Variants in GRIN2A observed in about 807,000 individuals in gnomAD.
The protein encoded by GRIN2A is glutamate ionotropic receptor NMDA type subunit 2A, also known as glutamate receptor ionotropic, NMDA 2A.
GRIN2A carries 22 observed loss-of-function variants against 113.4 expected under a neutral mutation model. The ratio of observed to expected loss-of-function variants is 0.19; its 90% CI spans 0.14 to 0.28. GRIN2A has a LOEUF of 0.28. Ranked by LOEUF, GRIN2A falls within the 10% of genes least tolerant of loss-of-function variation. The probability of loss-of-function intolerance (pLI) is 1.00; values close to 1 mark genes in which losing one functional copy is unlikely to be tolerated. For missense variants in GRIN2A, 1,502 were observed against 1,887.0 expected (o/e 0.80, Z 3.78); for synonymous variants, 827 against 738.4 (o/e 1.12, Z -1.94).
At chr16:9,886,112 G>C (rs982890224) in intron 4 of GRIN2A, among the ~76,000 whole-genome samples, 1 of 152,326 alleles carries the variant, frequency 6.6e-6, no homozygotes, top group Non-Finnish European at 1.5e-5. Flanking sequence ...AGTCAAGCCT[G>C]CTCCAGGACT....
In GRIN2A at chr16:9,763,321, G is replaced by C. The variant is rs763219483; in HGVS notation, c.4223C>G (p.Thr1408Arg). Reference sequence around the variant, plus strand: ...ACTGTCCCTGGAACAGTACGATGCCGTTGACCTCAAGGACGACCGAAGATA... The same window carrying C: ...ACTGTCCCTGGAACAGTACGATGCCCTTGACCTCAAGGACGACCGAAGATA... The part of the protein sequence containing the change: ...DSYLRSSLRS[T>R]ASYCSRDSRG... The change falls in exon 13 of 13, where the codon ACG becomes AGG. Residue 1408 changes from threonine (T) to arginine (R), a missense_variant. Physicochemically the swap from Thr to Arg is moderately conservative, Grantham distance 71. This residue lies in a region of GRIN2A where 832 missense variants were observed against 789.7 expected (regional missense o/e 1.05). Coordinates refer to ENST00000330684, the MANE Select transcript of GRIN2A (RefSeq NM_001134407.3). The C allele has an allele frequency of 6.2e-7, 1 of 1,614,106 alleles. No homozygotes were observed. The highest frequency in any genetic ancestry group is 8.5e-7 in the Non-Finnish European group (1 of 1,179,974).
In GRIN2A at chr16:9,755,918, A is replaced by G; in HGVS notation, c.*7231T>C. The G allele has an allele frequency of 4.7e-6, 1 of 214,244 alleles. No individual in the cohort carries two copies. The highest frequency in any genetic ancestry group is 9.5e-6 in the Non-Finnish European group (1 of 105,764). The allele number at this position is 214,244 out of a possible 1,614,324, so 13.3% of individuals were successfully genotyped here. A position where few individuals can be genotyped will look rare whatever the true frequency, so the allele number is the denominator to read the frequency against. On this transcript the variant is annotated 3_prime_UTR_variant, in exon 13 of 13. Coordinates refer to ENST00000330684, the MANE Select transcript of GRIN2A (RefSeq NM_001134407.3). ...ACAACATTTTAATAGCTGGTCCTCAATCATTCTGACTACCAAAGCTCTCCA... is the reference window on the plus strand; with the variant it reads ...ACAACATTTTAATAGCTGGTCCTCAGTCATTCTGACTACCAAAGCTCTCCA...
At chr16:10,068,371 T>C (rs2047688694) in intron 2 of GRIN2A, among the ~76,000 whole-genome samples, 1 of 152,248 alleles carries the variant, frequency 6.6e-6, no homozygotes, top group African/African-American at 2.4e-5. Flanking sequence ...TACTGGCATC[T>C]GCCTGGCTTC....
At chr16:9,969,628 C>A (rs1433475862) in intron 2 of GRIN2A, among the ~76,000 whole-genome samples, 1 of 152,130 alleles carries the variant, frequency 6.6e-6, no homozygotes, top group Non-Finnish European at 1.5e-5. Context: ...TACCTCAATC[C>A]ACAGCCATCC....
At chr16:9,776,039 G>A (rs1426941060) in intron 11 of GRIN2A, among the ~76,000 whole-genome samples, 1 of 152,214 alleles carries the variant, frequency 6.6e-6, no homozygotes. Context: ...AGGTTATGCA[G>A]TGACTGGGAG....
At chr16:10,005,172 A>C (rs909236302) in intron 2 of GRIN2A, among the ~76,000 whole-genome samples, 2 of 152,228 alleles carry the variant, frequency 1.3e-5, no homozygotes, top group Admixed American at 6.5e-5. Context: ...AGCAACATGC[A>C]TCAAAGTAAT....
In GRIN2A at chr16:9,809,538, T is replaced by G. The variant is rs538006770; in HGVS notation, c.2169-11074A>C. Among the ~76,000 whole-genome samples, 138 of 151,846 alleles carry G rather than the reference T, an allele frequency of 9.1e-4. 1 individual carries two copies. Among genetic ancestry groups the G allele is most frequent in the Admixed American group, 2.0e-3 (30 of 15,300 alleles). ...TGAGATGCCAAGCCAAAGGAATGCT[T>G]ATCTGTATTTTCATTTTTTTTTTTT... On this transcript the variant is annotated intron_variant, in intron 10 of 12. Coordinates refer to ENST00000330684, the MANE Select transcript of GRIN2A (RefSeq NM_001134407.3).
intron 9 of GRIN2A, among the ~76,000 whole-genome samples, chr16:9,824,038 A>G (rs1485225510): frequency 6.6e-6 from 1 of 152,172 alleles, no homozygotes; most frequent in Non-Finnish European, 1.5e-5. Context: ...ACCAGCTAGA[A>G]ACATTATTCT....
chr16:10,082,412 C>G (rs935063805), intron 2 of GRIN2A, among the ~76,000 whole-genome samples: 2 of 152,196 alleles, frequency 1.3e-5, no homozygotes, highest in African/African-American at 4.8e-5. Context: ...CTTGTGTGAT[C>G]TCCTCCCCTT....
intron 3 of GRIN2A, among the ~76,000 whole-genome samples, chr16:9,894,485 T>C (rs2043763429): frequency 6.6e-6 from 1 of 152,212 alleles, no homozygotes; most frequent in African/African-American, 2.4e-5. Context: ...TCCCCTTTGA[T>C]GTTTCCTGGC....
Position 10,054,887 on chromosome 16 carries a change from A to T in GRIN2A, c.415-116336T>A, listed in dbSNP as rs141299206. On this transcript the variant is annotated intron_variant, in intron 2 of 12. Coordinates refer to ENST00000330684, the MANE Select transcript of GRIN2A (RefSeq NM_001134407.3). ...ATGGTAAAACCCCATCTCTACTAAG[A>T]ACACAAAAAATTAGCCGGACATGGT... Among the ~76,000 whole-genome samples the T allele has an allele frequency of 8.3e-3, 1,255 of 151,696 alleles. 15 individuals carry two copies. Among genetic ancestry groups the T allele is most frequent in the African/African-American group, 0.029 (1,188 of 41,386 alleles).
chr16:10,015,252 CAAAAAAAAAAAAAAAAAAA>C lies in GRIN2A; in HGVS notation c.415-76720_415-76702del, dbSNP rs1449569637. 1.6e-4 allele frequency among the ~76,000 whole-genome samples: 3 copies of C among 19,316 alleles called. No homozygotes were observed. The East Asian group carries it at 4.0e-3, about 26-fold the overall frequency. The allele number at this position is 19,316 out of a possible 152,430, so 12.7% of individuals were successfully genotyped here. On this transcript the variant is annotated intron_variant, in intron 2 of 12. Transcript: ENST00000330684. The stretch of plus-strand genomic sequence containing the variant: ...TGGGCAACAGAGCAAGACTTCATCT[CAAAAAAAAAAAAAAAAAAA>C]GAAAAAAAAAAAGAAAAAGAAAGGA...
intron 8 of GRIN2A, among the ~76,000 whole-genome samples, chr16:9,833,626 A>G (rs1170820344): frequency 6.6e-6 from 1 of 152,226 alleles, no homozygotes; most frequent in Non-Finnish European, 1.5e-5. Flanking sequence ...TGTTTTATCC[A>G]TCAGTTGAAG....
chr16:9,903,460 T>A (rs921986289), intron 3 of GRIN2A, among the ~76,000 whole-genome samples: 2 of 152,150 alleles, frequency 1.3e-5, no homozygotes, highest in African/African-American at 4.8e-5. Context: ...ATTGACTTGA[T>A]TCAAAAAGGG....
intron 2 of GRIN2A, among the ~76,000 whole-genome samples, chr16:10,084,373 A>G (rs1448240): frequency 0.93 from 142,165 of 152,154 alleles, 67,174 homozygotes; most frequent in East Asian, 1. Flanking sequence ...AGTCTTGCAT[A>G]TAAGTGAGTC....
Position 9,754,637 on chromosome 16 carries a change from G to A in GRIN2A, c.*8512C>T, listed in dbSNP as rs951467726. 4.7e-6 allele frequency: 1 copy of A among 214,436 alleles called. No homozygotes were observed. The highest frequency in any genetic ancestry group is 5.8e-5 in the Admixed American group (1 of 17,128). The allele number at this position is 214,436 out of a possible 1,614,324, so 13.3% of individuals were successfully genotyped here. A position where few individuals can be genotyped will look rare whatever the true frequency, so the allele number is the denominator to read the frequency against. ...TTTTCTACAAACTTAATAAACTAAA[G>A]ATTTAAAAAAATTTAAAAAAGATTT... is the stretch of plus-strand genomic sequence containing the variant. On this transcript the variant is annotated 3_prime_UTR_variant, in exon 13 of 13. Transcript: ENST00000330684.
At chr16:10,049,599 G>A (rs141505738) in intron 2 of GRIN2A, among the ~76,000 whole-genome samples, 2,009 of 152,098 alleles carry the variant, frequency 0.013, 28 homozygotes, top group South Asian at 0.065. Context: ...GGCTGGTCTC[G>A]AACTCCTGAC....
chr16:10,031,356 A>G (rs542587974), intron 2 of GRIN2A: 3 of 152,164 alleles, frequency 2.0e-5, no homozygotes, highest in Non-Finnish European at 4.4e-5. Context: ...ATGTCAGCAC[A>G]AGAGGTTTTT....
At chr16:9,784,568 A>C (rs1332474494) in intron 11 of GRIN2A, among the ~76,000 whole-genome samples, 3 of 152,172 alleles carry the variant, frequency 2.0e-5, no homozygotes, top group Non-Finnish European at 2.9e-5. Context: ...AGCAATGGCA[A>C]CAAAAGCCAA....
Sources: gnomAD v4.1 joint callset for allele counts (sites outside exome capture counted in the v4.1 genomes callset) on GRCh38, gnomAD v4.1.1 for gene constraint, gnomAD v4.1.1 regional missense constraint, MANE v1.5 for transcripts, NCBI Gene and HGNC (gene_info 2026-07-23, HGNC 2026-07-21) for gene names.